Variants in DHRS4 observed in about 807,000 individuals in gnomAD.
DHRS4 encodes the protein dehydrogenase/reductase 4, also known as dehydrogenase/reductase SDR family member 4.
A neutral mutation model predicts 28.4 loss-of-function variants in DHRS4; 20 were observed. That is an observed-to-expected ratio of 0.71 (90% CI 0.50 to 1.02). DHRS4 has a LOEUF of 1.02. DHRS4 is among the 50% of genes least tolerant of loss of function. The pLI is 0.00. For missense variants in DHRS4, 378 were observed against 367.2 expected, an observed-to-expected ratio of 1.03 and a Z score of -0.24; for synonymous variants, 144 against 146.4, an observed-to-expected ratio of 0.98 and a Z score of 0.12.
intron 3 of DHRS4, among the ~76,000 whole-genome samples, chr14:23,964,770 T>C (rs1458456712): frequency 9.0e-5 from 13 of 144,850 alleles, no homozygotes; most frequent in African/African-American, 3.3e-4. Context: ...ACAGACGAGG[T>C]TTGCCATGTT....
chr14:23,955,265 C>G, intron 2 of DHRS4, 53 bp downstream of exon 2: 1 of 1,557,330 alleles, frequency 6.4e-7, no homozygotes, highest in Admixed American at 2.0e-5. Flanking sequence ...CGGAGCCAGC[C>G]TGAGCCTCCT....
At chr14:23,963,749 C>T (rs1258827345) in intron 3 of DHRS4, among the ~76,000 whole-genome samples, 1 of 147,938 alleles carries the variant, frequency 6.8e-6, no homozygotes, top group Non-Finnish European at 1.5e-5. Flanking sequence ...CTAACTGGTG[C>T]ACATGGTCTA....
rs373889538 is a variant in DHRS4 at position 23,968,809 on chromosome 14, G to C, written c.775G>C (p.Asp259His). Reference protein sequence around the residue: ...AGIVSFLCSEDASYITGETVV... With the variant: ...AGIVSFLCSEHASYITGETVV... ...CATCGTGTCTTTCCTGTGCTCTGAAGATGCCAGCTACATCACTGGGGAAAC... is the reference window on the plus strand; with the variant it reads ...CATCGTGTCTTTCCTGTGCTCTGAACATGCCAGCTACATCACTGGGGAAAC... The change falls in exon 8 of 8, where the codon GAT (aspartate) becomes CAT (histidine). Residue 259 changes from aspartate to histidine, a missense_variant. Asp to His is a moderately conservative substitution (Grantham distance 81). Transcript: ENST00000313250. 1.4e-5 allele frequency: 22 copies of C among 1,610,658 alleles called. No homozygotes were observed. In the African/African-American group the frequency reaches 2.7e-4, roughly 20 times the overall value.
chr14:23,968,485 G>C (rs1226803501), intron 7 of DHRS4, among the ~76,000 whole-genome samples: 3 of 150,520 alleles, frequency 2.0e-5, no homozygotes, highest in Non-Finnish European at 2.9e-5. Flanking sequence ...TATAACTTTG[G>C]ATTTTGGTGT....
At chr14:23,954,431 C>G (rs1281314313) in intron 1 of DHRS4, among the ~76,000 whole-genome samples, 1 of 152,166 alleles carries the variant, frequency 6.6e-6, no homozygotes, top group Non-Finnish European at 1.5e-5. Context: ...GCCTGTTTCT[C>G]ACCCACCATT....
chr14:23,961,589 G>C (rs1203338557), intron 3 of DHRS4, among the ~76,000 whole-genome samples: 3 of 118,936 alleles, frequency 2.5e-5, no homozygotes, highest in Non-Finnish European at 4.9e-5. Flanking sequence ...TGTGATCTCA[G>C]CTCACTGCAA....
chr14:23,968,630 T>C, intron 7 of DHRS4, 127 bp from the exon 8 acceptor site: 1 of 1,511,096 alleles, frequency 6.6e-7, no homozygotes, highest in Non-Finnish European at 9.0e-7. Context: ...GGCAGAAAGC[T>C]TGTACACTGA....
At chr14:23,957,703 T>G (rs2033232806) in intron 2 of DHRS4, among the ~76,000 whole-genome samples, 1 of 149,296 alleles carries the variant, frequency 6.7e-6, no homozygotes, top group Non-Finnish European at 1.5e-5. Flanking sequence ...ACTATAGGCA[T>G]GCACCACCAC....
intron 2 of DHRS4, among the ~76,000 whole-genome samples, chr14:23,956,076 G>A (rs563763286): frequency 6.6e-6 from 1 of 152,360 alleles, no homozygotes; most frequent in South Asian, 2.1e-4. Flanking sequence ...GTAGACAGTA[G>A]TATGGTAGAC....
chr14:23,957,256 T>C (rs977703471), intron 2 of DHRS4, among the ~76,000 whole-genome samples: 5 of 152,162 alleles, frequency 3.3e-5, no homozygotes, highest in African/African-American at 9.7e-5. Context: ...TGTATGACCA[T>C]TGTCAGAGAG....
At position 23,953,787 on chromosome 14, in the gene DHRS4, C is replaced by G. The variant is rs749263480; in HGVS notation, c.-2C>G. 2.5e-6 allele frequency: 4 copies of G among 1,614,004 alleles called. No individual in the cohort carries two copies. The East Asian group carries it at 8.9e-5, about 36-fold the overall frequency. On this transcript the variant is annotated 5_prime_UTR_variant, in exon 1 of 8. The change creates a new upstream start codon in the 5' untranslated region. Coordinates refer to ENST00000313250, the MANE Select transcript of DHRS4 (RefSeq NM_021004.4). The stretch of plus-strand genomic sequence containing the variant: ...TGGAACCCATACTTGCTGGTCTGAT[C>G]CATGCACAAGGCGGGGCTGCTAGGC...
rs1439867803 is a variant in DHRS4 at position 23,959,926 on chromosome 14, G to C, written c.331G>C (p.Asp111His). ...GGCTGTGAAGCTTCATGGAGGTATC[G>C]ATATCCTAGTCTCCAATGCTGCTGT... ...ATAVKLHGGI[D>H]ILVSNAAVNP... Residue 111 changes from aspartate (D) to histidine (H), a missense_variant, in exon 3 of 8, where the codon GAT (aspartate) becomes CAT (histidine). Coordinates refer to ENST00000313250, the MANE Select transcript of DHRS4 (RefSeq NM_021004.4). 2 of 1,611,160 alleles carry C rather than the reference G, an allele frequency of 1.2e-6. No individual in the cohort carries two copies. The highest frequency in any genetic ancestry group is 4.5e-5 in the East Asian group (2 of 44,814).
intron 3 of DHRS4, 113 bp downstream of exon 3, chr14:23,960,116 C>G: frequency 2.0e-6 from 2 of 1,015,220 alleles, no homozygotes; most frequent in South Asian, 2.7e-5. Context: ...TGTGAGGACT[C>G]TTTGCCACGT....
intron 3 of DHRS4, among the ~76,000 whole-genome samples, chr14:23,964,604 C>T (rs1215472625): frequency 3.7e-5 from 5 of 136,692 alleles, no homozygotes; most frequent in Non-Finnish European, 7.8e-5. Flanking sequence ...TGTGATGGAG[C>T]CTCACTCTGT....
chr14:23,963,431 GC>G (rs2033493703), intron 3 of DHRS4, among the ~76,000 whole-genome samples: 1 of 140,406 alleles, frequency 7.1e-6, no homozygotes, highest in Non-Finnish European at 1.5e-5. Context: ...AGCACTCGCT[GC>G]TTCATCTTGC....
intron 6 of DHRS4, among the ~76,000 whole-genome samples, 199 bp downstream of exon 6, chr14:23,966,616 G>C (rs572441325): frequency 8.6e-5 from 13 of 152,002 alleles, no homozygotes; most frequent in Middle Eastern, 3.4e-3. Flanking sequence ...ATAGGCTGGA[G>C]ACTGAGGTAT....
intron 3 of DHRS4, among the ~76,000 whole-genome samples, chr14:23,960,516 T>C (rs192393493): frequency 4.9e-4 from 75 of 152,136 alleles, no homozygotes; most frequent in Admixed American, 2.2e-3. Flanking sequence ...CCTATATTAT[T>C]TTCTTCTTAA....
At chr14:23,962,911 T>C (rs1224850511) in intron 3 of DHRS4, among the ~76,000 whole-genome samples, 12 of 145,946 alleles carry the variant, frequency 8.2e-5, no homozygotes, top group Middle Eastern at 3.4e-3. Context: ...GCAGAATGGA[T>C]GTTGTGTTAG....
At chr14:23,958,551 T>G (rs73600731) in intron 2 of DHRS4, among the ~76,000 whole-genome samples, 7,130 of 152,280 alleles carry the variant, frequency 0.047, 530 homozygotes, top group African/African-American at 0.16. Context: ...GTTGCCTTTC[T>G]TCGCCTTCTC....
Sources: allele counts gnomAD v4.1 joint callset (sites outside exome capture counted in the v4.1 genomes callset), GRCh38; gene constraint gnomAD v4.1.1; transcripts MANE v1.5; gene names NCBI Gene and HGNC (gene_info 2026-07-23, HGNC 2026-07-21).